LSAMP: variants seen among roughly 807,000 people sequenced by gnomAD.
The protein encoded by LSAMP is limbic system associated membrane protein, also known as limbic system-associated membrane protein.
LSAMP carries 7 observed loss-of-function variants against 38.6 expected under a neutral mutation model. That is an observed-to-expected ratio of 0.18 (90% CI 0.10 to 0.34). The LOEUF (loss-of-function observed/expected upper bound fraction) is 0.34. LSAMP is among the 10% of genes least tolerant of loss of function. The pLI, the probability that LSAMP is intolerant of heterozygous loss-of-function variation, is 1.00. For missense variants in LSAMP, 313 were observed against 420.0 expected (o/e 0.75, Z 2.23); for synonymous variants, 154 against 166.8 (o/e 0.92, Z 0.59).
At position 115,854,282 on chromosome 3, in the gene LSAMP, AT is replaced by A. The variant is rs35263381; in HGVS notation, c.515-1666del. ...TATTATTATTATTATTATTATTATTATTTTTTTTTTTTTTTTTTGAGATGGA... is the reference window on the plus strand; with the variant it reads ...TATTATTATTATTATTATTATTATTATTTTTTTTTTTTTTTTTGAGATGGA... On this transcript the variant is annotated intron_variant, in intron 3 of 6. Coordinates refer to ENST00000490035, the MANE Select transcript of LSAMP (RefSeq NM_002338.5). Among the ~76,000 whole-genome samples the A allele has an allele frequency of 7.2e-3, 773 of 106,990 alleles. 3 individuals are homozygous for A. The highest frequency in any genetic ancestry group is 0.011 in the Middle Eastern group (2 of 190). 70.2% of individuals were successfully genotyped at this position (106,990 alleles called of 152,430 possible). A position where few individuals can be genotyped will look rare whatever the true frequency, so the allele number is the denominator to read the frequency against.
Position 116,126,363 on chromosome 3 carries a change from C to T in LSAMP, c.156-39807G>A, listed in dbSNP as rs533805052. The stretch of plus-strand genomic sequence containing the variant: ...CCCTCTCAAGGGTGCTATAAATGGG[C>T]CATGCCCAAAGTATATCAATTCCCT... On this transcript the variant is annotated intron_variant, in intron 1 of 6. Coordinates refer to ENST00000490035, the MANE Select transcript of LSAMP (RefSeq NM_002338.5). 2.2e-4 allele frequency among the ~76,000 whole-genome samples: 34 copies of T among 152,308 alleles called. No homozygotes were observed. The Middle Eastern group carries it at 0.01, about 46-fold the overall frequency.
chr3:116,431,351 T>C (rs966130538), intron 1 of LSAMP, among the ~76,000 whole-genome samples: 2 of 152,148 alleles, frequency 1.3e-5, no homozygotes, highest in Non-Finnish European at 2.9e-5. Flanking sequence ...AAAAAAAATC[T>C]ATTTGCCACG....
intron 1 of LSAMP, among the ~76,000 whole-genome samples, chr3:116,209,732 G>GATTT (rs111562471): frequency 4.6e-5 from 7 of 151,810 alleles, no homozygotes; most frequent in African/African-American, 1.7e-4. Flanking sequence ...TACATTTTGG[G>GATTT]ATTTATTTAT....
At chr3:116,129,993 C>G (rs1709089248) in intron 1 of LSAMP, among the ~76,000 whole-genome samples, 1 of 152,158 alleles carries the variant, frequency 6.6e-6, no homozygotes, top group Non-Finnish European at 1.5e-5. Context: ...AACAGCAGCC[C>G]AATATTCTTT....
intron 1 of LSAMP, among the ~76,000 whole-genome samples, chr3:116,218,540 T>C (rs186029384): frequency 2.6e-5 from 4 of 152,362 alleles, no homozygotes; most frequent in Admixed American, 2.6e-4. Flanking sequence ...GTGTACAACA[T>C]TGATGACTTC....
At chr3:116,250,993 G>A (rs1243756154) in intron 1 of LSAMP, among the ~76,000 whole-genome samples, 3 of 152,178 alleles carry the variant, frequency 2.0e-5, no homozygotes, top group Non-Finnish European at 2.9e-5. Flanking sequence ...GCAAAGAATG[G>A]ATGACCTTAG....
At chr3:116,016,462 G>A (rs1940486167) in intron 3 of LSAMP, among the ~76,000 whole-genome samples, 1 of 152,174 alleles carries the variant, frequency 6.6e-6, no homozygotes, top group African/African-American at 2.4e-5. Flanking sequence ...GAGTAAAGTT[G>A]TTTCCTTTGA....
Position 115,985,157 on chromosome 3 carries a change from G to A in LSAMP, c.514+34358C>T, listed in dbSNP as rs149177032. On this transcript the variant is annotated intron_variant, in intron 3 of 6. Coordinates refer to ENST00000490035, the MANE Select transcript of LSAMP (RefSeq NM_002338.5). The stretch of plus-strand genomic sequence containing the variant: ...CAGAGGAAGGATTTATTGCAAGAAA[G>A]CCTGGAAATAAGAAACATTTAGGAT... Among the ~76,000 whole-genome samples, 75 of 152,288 alleles carry A rather than the reference G, an allele frequency of 4.9e-4. 1 individual carries two copies. The East Asian group carries it at 0.014, about 27-fold the overall frequency.
At chr3:116,013,492 A>C (rs1940389384) in intron 3 of LSAMP, among the ~76,000 whole-genome samples, 1 of 152,220 alleles carries the variant, frequency 6.6e-6, no homozygotes, top group South Asian at 2.1e-4. Context: ...ACACACAAAC[A>C]GCTGTCTATA....
chr3:116,115,748 A>T (rs919324138), intron 1 of LSAMP, among the ~76,000 whole-genome samples: 4 of 148,164 alleles, frequency 2.7e-5, no homozygotes, highest in African/African-American at 7.3e-5. Flanking sequence ...TTTTGAAGAC[A>T]TTTTCCCATT....
At chr3:115,958,838 GA>G (rs1461585776) in intron 3 of LSAMP, among the ~76,000 whole-genome samples, 1 of 152,154 alleles carries the variant, frequency 6.6e-6, no homozygotes, top group Non-Finnish European at 1.5e-5. Context: ...GTCTCCAAAT[GA>G]TACAACTTTC....
intron 3 of LSAMP, among the ~76,000 whole-genome samples, chr3:115,863,346 T>C (rs1205284917): frequency 6.6e-6 from 1 of 151,732 alleles, no homozygotes; most frequent in Admixed American, 6.6e-5. Flanking sequence ...AAATGGCAAG[T>C]GAGGGAGAGG....
chr3:116,423,322 G>A (rs2049155121), intron 1 of LSAMP, among the ~76,000 whole-genome samples: 3 of 152,234 alleles, frequency 2.0e-5, no homozygotes, highest in African/African-American at 2.4e-5. Flanking sequence ...TTCCCAAAGA[G>A]GACACGATGC....
intron 4 of LSAMP, among the ~76,000 whole-genome samples, chr3:115,846,641 A>T (rs989628130): frequency 6.6e-6 from 1 of 152,168 alleles, no homozygotes; most frequent in South Asian, 2.1e-4. Flanking sequence ...TCAGTACTTG[A>T]CAGACCATGG....
At chr3:115,924,446 G>T (rs1378414135) in intron 3 of LSAMP, among the ~76,000 whole-genome samples, 1 of 152,194 alleles carries the variant, frequency 6.6e-6, no homozygotes, top group African/African-American at 2.4e-5. Flanking sequence ...AATACATAGG[G>T]TCACAGAGAG....
At chr3:115,958,302 G>T (rs1341347303) in intron 3 of LSAMP, among the ~76,000 whole-genome samples, 3 of 152,010 alleles carry the variant, frequency 2.0e-5, no homozygotes, top group African/African-American at 7.3e-5. Flanking sequence ...TGCTAATTTT[G>T]ACAAATTTTC....
intron 1 of LSAMP, among the ~76,000 whole-genome samples, chr3:116,131,696 T>C (rs1356142735): frequency 6.6e-6 from 1 of 152,188 alleles, no homozygotes; most frequent in Admixed American, 6.5e-5. Flanking sequence ...TCTTCCTCGT[T>C]GCTTAGGCTC....
chr3:116,233,690 T>G (rs1164378875), intron 1 of LSAMP, among the ~76,000 whole-genome samples: 1 of 152,054 alleles, frequency 6.6e-6, no homozygotes, highest in African/African-American at 2.4e-5. Flanking sequence ...TTATATTTTT[T>G]TTTTAGCTCC....
chr3:116,070,624 AT>A (rs892914178), intron 2 of LSAMP, among the ~76,000 whole-genome samples: 2 of 152,162 alleles, frequency 1.3e-5, no homozygotes, highest in African/African-American at 2.4e-5. Context: ...TTATTCTGCA[AT>A]TTTACTTGAG....
Sources: gnomAD v4.1 joint callset for allele counts (sites outside exome capture counted in the v4.1 genomes callset) on GRCh38, gnomAD v4.1.1 for gene constraint, MANE v1.5 for transcripts, NCBI Gene and HGNC (gene_info 2026-07-23, HGNC 2026-07-21) for gene names.